MOB1B: variants seen among roughly 807,000 people sequenced by gnomAD.
MOB1B encodes the protein MOB1 Mps One Binder homolog B.
A neutral mutation model predicts 24.4 loss-of-function variants in MOB1B; 19 were observed. The ratio of observed to expected loss-of-function variants is 0.78; its 90% CI spans 0.54 to 1.14. The LOEUF is 1.14. Ranked by LOEUF, MOB1B falls within the 50% of genes most tolerant of loss-of-function variation. The probability of loss-of-function intolerance (pLI) is 0.00; values close to 1 mark genes in which losing one functional copy is unlikely to be tolerated. For synonymous variants in MOB1B, 76 were observed against 82.1 expected (o/e 0.93, Z 0.40); for missense variants, 243 against 259.6 (o/e 0.94, Z 0.44).
At chr4:70,950,798 G>A in intron 1 of MOB1B, 1 of 1,522,276 alleles carries the variant, frequency 6.6e-7, no homozygotes, top group Non-Finnish European at 8.8e-7. Context: ...AGGAGCTACT[G>A]ATGTGAATGA....
In MOB1B at chr4:70,987,397, AAATACTT is replaced by A. The variant is rs2148908581; in HGVS notation, c.*5344_*5350del. On this transcript the variant is annotated 3_prime_UTR_variant, in exon 6 of 6. Coordinates refer to ENST00000309395, the MANE Select transcript of MOB1B (RefSeq NM_173468.4). Reference sequence around the variant, plus strand: ...TTTTGCACAAGTTTTTGTTTTTCTGAAATACTTAATTGTGCAGGTTGTAAAAAAGATT... The same window carrying A: ...TTTTGCACAAGTTTTTGTTTTTCTGAAATTGTGCAGGTTGTAAAAAAGATT... 1 of 152,044 alleles carries A rather than the reference AAATACTT, an allele frequency of 6.6e-6. No individual in the cohort carries two copies. The highest frequency in any genetic ancestry group is 2.1e-4 in the South Asian group (1 of 4,828). The allele number at this position is 152,044 out of a possible 1,614,324, so 9.4% of individuals were successfully genotyped here.
At chr4:70,939,769 C>T (rs1440570528) in intron 1 of MOB1B, among the ~76,000 whole-genome samples, 2 of 152,202 alleles carry the variant, frequency 1.3e-5, no homozygotes, top group Admixed American at 6.5e-5. Flanking sequence ...TACCCATCAG[C>T]TCATTGAGAC....
chr4:70,981,230 A>G (rs1163963245), intron 5 of MOB1B, among the ~76,000 whole-genome samples: 1 of 152,190 alleles, frequency 6.6e-6, no homozygotes, highest in East Asian at 1.9e-4. Context: ...TCTCTCCAGT[A>G]TTTAACTGTA....
At chr4:70,902,614 C>G in intron 1 of MOB1B, 64 bp downstream of exon 1, 1 of 1,479,518 alleles carries the variant, frequency 6.8e-7, no homozygotes, top group Non-Finnish European at 9.0e-7. Context: ...CGCCCGCCGC[C>G]CGCCGCCCGT....
intron 1 of MOB1B, among the ~76,000 whole-genome samples, chr4:70,953,764 T>A (rs1737909315): frequency 6.6e-6 from 1 of 152,128 alleles, no homozygotes; most frequent in Non-Finnish European, 1.5e-5. Flanking sequence ...AACAACATGG[T>A]GAAACCCTGT....
In MOB1B at chr4:70,968,287, A is replaced by T. The variant is rs547222308; in HGVS notation, c.182-1644A>T. Among the ~76,000 whole-genome samples the T allele has an allele frequency of 9.8e-5, 15 of 152,316 alleles. No individual in the cohort carries two copies. In the South Asian group the frequency reaches 2.9e-3, roughly 29 times the overall value. On this transcript the variant is annotated intron_variant, in intron 2 of 5. Coordinates refer to ENST00000309395, the MANE Select transcript of MOB1B (RefSeq NM_173468.4). ...TTGCTTTTTGGGTATGACATGAGTG[A>T]AGAGTCAAATTTTATTTGATTTCAT...
At chr4:70,931,915 A>G (rs903776754) in intron 1 of MOB1B, among the ~76,000 whole-genome samples, 2 of 152,062 alleles carry the variant, frequency 1.3e-5, no homozygotes, top group Non-Finnish European at 2.9e-5. Flanking sequence ...GTTGTTGTTC[A>G]GACGTGGTCT....
rs11331194 is a variant in MOB1B at position 70,946,084 on chromosome 4, C to CTTTTTTTTTTTTTTTTTTTTTT, written c.15-12789_15-12768dup. Among the ~76,000 whole-genome samples, 2 of 85,394 alleles carry CTTTTTTTTTTTTTTTTTTTTTT rather than the reference C, an allele frequency of 2.3e-5. 1 individual carries two copies. The highest frequency in any genetic ancestry group is 8.2e-5 in the African/African-American group (2 of 24,384). The allele number at this position is 85,394 out of a possible 152,430, so 56.0% of individuals were successfully genotyped here. ...TTGGCTAAGCTGGTTTTTGTTTGTTCTTTTTTTTTTTTTTTTTTTTTTGGC... is the reference window on the plus strand; with the variant it reads ...TTGGCTAAGCTGGTTTTTGTTTGTTCTTTTTTTTTTTTTTTTTTTTTTTTTTTTTTTTTTTTTTTTTTTTGGC... On this transcript the variant is annotated intron_variant, in intron 1 of 5. Transcript: ENST00000309395.
intron 1 of MOB1B, among the ~76,000 whole-genome samples, chr4:70,957,956 A>G (rs1738137437): frequency 6.6e-6 from 1 of 151,788 alleles, no homozygotes; most frequent in Non-Finnish European, 1.5e-5. Context: ...CAGTTGATCC[A>G]TTAAAAAATA....
chr4:70,951,371 T>C (rs1318027869), intron 1 of MOB1B, among the ~76,000 whole-genome samples: 1 of 152,198 alleles, frequency 6.6e-6, no homozygotes, highest in Non-Finnish European at 1.5e-5. Context: ...TTGCAAAAGA[T>C]AAATCAAATT....
At chr4:70,924,405 A>G (rs777474641) in intron 1 of MOB1B, among the ~76,000 whole-genome samples, 4 of 152,210 alleles carry the variant, frequency 2.6e-5, no homozygotes, top group Admixed American at 6.5e-5. Flanking sequence ...TTTAAGTCCC[A>G]AAGTGGCTTA....
chr4:70,915,679 C>T (rs1363438512), intron 1 of MOB1B, among the ~76,000 whole-genome samples: 1 of 152,046 alleles, frequency 6.6e-6, no homozygotes, highest in Non-Finnish European at 1.5e-5. Context: ...CCTCATCTGC[C>T]CCTGAGAGAT....
chr4:70,944,925 T>C (rs1366455375), intron 1 of MOB1B, among the ~76,000 whole-genome samples: 1 of 152,136 alleles, frequency 6.6e-6, no homozygotes, highest in Non-Finnish European at 1.5e-5. Context: ...CAATTCAACA[T>C]GAGATTTGGG....
In MOB1B at chr4:70,959,041, G is replaced by C; in HGVS notation, c.181+1G>C. 1 of 1,613,148 alleles carries C rather than the reference G, an allele frequency of 6.2e-7. No homozygotes were observed. Among genetic ancestry groups the C allele is most frequent in the Non-Finnish European group, 8.5e-7 (1 of 1,179,572 alleles). ...CTCAATGAATGGGTTGCAGTTAACAGTAAGTAGCCTTTTTATTTCTCAGTA... is the reference window on the plus strand; with the variant it reads ...CTCAATGAATGGGTTGCAGTTAACACTAAGTAGCCTTTTTATTTCTCAGTA... On this transcript the variant is annotated splice_donor_variant, in intron 2 of 5. Coordinates refer to ENST00000309395, the MANE Select transcript of MOB1B (RefSeq NM_173468.4). LOFTEE classifies it high-confidence loss of function.
intron 1 of MOB1B, among the ~76,000 whole-genome samples, chr4:70,957,807 G>A (rs1658714144): frequency 6.7e-6 from 1 of 150,362 alleles, no homozygotes; most frequent in African/African-American, 2.5e-5. Context: ...GCCCAAGGGG[G>A]AGTGCTGTGT....
chr4:70,913,225 T>A (rs1323406269), intron 1 of MOB1B, among the ~76,000 whole-genome samples: 1 of 152,174 alleles, frequency 6.6e-6, no homozygotes, highest in Non-Finnish European at 1.5e-5. Flanking sequence ...ACAGAAGCCA[T>A]GTATGTTTTT....
At chr4:70,936,277 A>G (rs1174856823) in intron 1 of MOB1B, among the ~76,000 whole-genome samples, 5 of 152,186 alleles carry the variant, frequency 3.3e-5, no homozygotes, top group Non-Finnish European at 7.3e-5. Flanking sequence ...TGCTGGAATT[A>G]CAGGCATGAG....
At chr4:70,949,090 C>T (rs1225982586) in intron 1 of MOB1B, among the ~76,000 whole-genome samples, 2 of 152,192 alleles carry the variant, frequency 1.3e-5, no homozygotes, top group African/African-American at 4.8e-5. Context: ...ATAGAGACCT[C>T]TACTGGGCAT....
intron 1 of MOB1B, among the ~76,000 whole-genome samples, chr4:70,927,365 C>A (rs1040861882): frequency 6.6e-6 from 1 of 151,930 alleles, no homozygotes; most frequent in East Asian, 1.9e-4. Context: ...ATGATGAAAC[C>A]CCCGTCTCTA....
Sources: allele counts gnomAD v4.1 joint callset (sites outside exome capture counted in the v4.1 genomes callset), GRCh38; gene constraint gnomAD v4.1.1; transcripts MANE v1.5; gene names NCBI Gene and HGNC (gene_info 2026-07-23, HGNC 2026-07-21).